LPP: variants seen among roughly 807,000 people sequenced by gnomAD.
LPP encodes the protein lipoma-preferred partner.
A neutral mutation model predicts 60.4 loss-of-function variants in LPP; 38 were observed. The observed-to-expected ratio is 0.63, with a 90% CI of 0.49 to 0.83. The LOEUF (loss-of-function observed/expected upper bound fraction) is 0.83, where lower values mean the gene tolerates loss of function less well. Ranked by LOEUF, LPP falls within the 40% of genes least tolerant of loss-of-function variation. The pLI, the probability that LPP is intolerant of heterozygous loss-of-function variation, is 0.00. For missense variants in LPP, 902 were observed against 783.6 expected (o/e 1.15, Z -1.80); for synonymous variants, 328 against 290.8 (o/e 1.13, Z -1.30).
chr3:188,379,252 A>G (rs1469421080), intron 3 of LPP, among the ~76,000 whole-genome samples: 1 of 152,202 alleles, frequency 6.6e-6, no homozygotes, highest in Admixed American at 6.5e-5. Flanking sequence ...GCCAGCCACA[A>G]TGAAATATAT....
intron 1 of LPP, among the ~76,000 whole-genome samples, chr3:188,191,326 A>G (rs12492534): frequency 0.067 from 10,240 of 152,292 alleles, 480 homozygotes; most frequent in South Asian, 0.13. Context: ...ATACCTTCTT[A>G]TATTTATTTG....
intron 2 of LPP, among the ~76,000 whole-genome samples, chr3:188,282,603 G>T (rs1742480942): frequency 6.6e-6 from 1 of 151,992 alleles, no homozygotes; most frequent in Non-Finnish European, 1.5e-5. Context: ...CCCTGCTTAG[G>T]ACCCTACACT....
At chr3:188,563,341 CCATT>C (rs1831193379) in intron 6 of LPP, among the ~76,000 whole-genome samples, 1 of 151,708 alleles carries the variant, frequency 6.6e-6, no homozygotes, top group South Asian at 2.1e-4. Context: ...CCCTCAGTAC[CCATT>C]CATTTTCTCC....
chr3:188,688,874 A>C (rs746397986), intron 7 of LPP: 2 of 517,936 alleles, frequency 3.9e-6, no homozygotes, highest in South Asian at 2.9e-5. Flanking sequence ...ACTTTCGTTC[A>C]TCTGAAAAAG....
At chr3:188,825,728 C>A (rs1292671652) in intron 9 of LPP, among the ~76,000 whole-genome samples, 3 of 152,062 alleles carry the variant, frequency 2.0e-5, no homozygotes, top group Non-Finnish European at 2.9e-5. Context: ...GACATACACA[C>A]ACACATTTCA....
chr3:188,472,183 C>A (rs1688693394), intron 4 of LPP, among the ~76,000 whole-genome samples: 1 of 152,072 alleles, frequency 6.6e-6, no homozygotes, highest in Non-Finnish European at 1.5e-5. Flanking sequence ...TGAATTGGCC[C>A]TTTTAATTAG....
At chr3:188,639,125 G>T (rs962322569) in intron 7 of LPP, among the ~76,000 whole-genome samples, 1 of 152,110 alleles carries the variant, frequency 6.6e-6, no homozygotes, top group Non-Finnish European at 1.5e-5. Flanking sequence ...ATACTACAAG[G>T]CTACGGTAAC....
intron 6 of LPP, among the ~76,000 whole-genome samples, chr3:188,546,828 G>A (rs1165866322): frequency 6.6e-6 from 1 of 152,148 alleles, no homozygotes; most frequent in Admixed American, 6.5e-5. Context: ...GAGCTAGTTT[G>A]TATCAGTTAT....
chr3:188,681,055 G>A (rs1016700914), intron 7 of LPP, among the ~76,000 whole-genome samples: 1 of 148,674 alleles, frequency 6.7e-6, no homozygotes, highest in African/African-American at 2.5e-5. Flanking sequence ...GGAGTGCAGT[G>A]GCATGATCTC....
intron 6 of LPP, among the ~76,000 whole-genome samples, chr3:188,606,780 C>T (rs1842461107): frequency 6.6e-6 from 1 of 151,942 alleles, no homozygotes; most frequent in African/African-American, 2.4e-5. Flanking sequence ...TCAATAATGC[C>T]AGTCATAAAA....
At chr3:188,437,264 GT>G (rs1490333192) in intron 4 of LPP, among the ~76,000 whole-genome samples, 2 of 152,170 alleles carry the variant, frequency 1.3e-5, no homozygotes, top group Non-Finnish European at 2.9e-5. Context: ...TAGAGCTTCC[GT>G]TCCAAAGTAC....
In LPP at chr3:188,154,218, A is replaced by ACCACCG. The variant is rs947462278; in HGVS notation, c.-221_-216dup. ...CGCCGCCGCCGCCGCCGCCGCCACCACCACCGCCGCTGCCCCGGCTGCCTC... is the reference window on the plus strand; with the variant it reads ...CGCCGCCGCCGCCGCCGCCGCCACCACCACCGCCACCGCCGCTGCCCCGGCTGCCTC... On this transcript the variant is annotated 5_prime_UTR_variant, in exon 1 of 12. Coordinates refer to ENST00000617246, the MANE Select transcript of LPP (RefSeq NM_001375462.1). Among the ~76,000 whole-genome samples the ACCACCG allele has an allele frequency of 2.0e-5, 3 of 151,492 alleles. No individual in the cohort carries two copies. Among genetic ancestry groups the ACCACCG allele is most frequent in the African/African-American group, 4.8e-5 (2 of 41,376 alleles).
chr3:188,638,057 A>G (rs1456264128), intron 7 of LPP, among the ~76,000 whole-genome samples: 1 of 137,488 alleles, frequency 7.3e-6, no homozygotes, highest in Non-Finnish European at 1.6e-5. Flanking sequence ...CAGAGACACA[A>G]CCAAAAAAGA....
At chr3:188,373,789 A>G (rs1774054151) in intron 3 of LPP, among the ~76,000 whole-genome samples, 1 of 151,938 alleles carries the variant, frequency 6.6e-6, no homozygotes, top group Non-Finnish European at 1.5e-5. Flanking sequence ...GCCCATGCCT[A>G]TGTCCTGAAT....
At chr3:188,391,763 G>A (rs1578555500) in intron 3 of LPP, among the ~76,000 whole-genome samples, 1 of 151,904 alleles carries the variant, frequency 6.6e-6, no homozygotes, top group Non-Finnish European at 1.5e-5. Context: ...AATGATGGTA[G>A]CTGGACACTG....
At chr3:188,210,226 A>T (rs955343575) in intron 1 of LPP, among the ~76,000 whole-genome samples, 3 of 152,214 alleles carry the variant, frequency 2.0e-5, no homozygotes, top group African/African-American at 7.2e-5. Context: ...TATATAAAAG[A>T]CTTGAGCATC....
chr3:188,235,171 CA>C (rs1246515286), intron 2 of LPP, among the ~76,000 whole-genome samples: 6 of 152,154 alleles, frequency 3.9e-5, no homozygotes, highest in African/African-American at 1.4e-4. Context: ...GAGAGCAGAG[CA>C]GGTGGTGCTG....
At chr3:188,824,425 C>T (rs1024735018) in intron 9 of LPP, among the ~76,000 whole-genome samples, 2 of 152,154 alleles carry the variant, frequency 1.3e-5, no homozygotes, top group African/African-American at 4.8e-5. Flanking sequence ...TTCAAATGCT[C>T]AAGAACCATT....
At chr3:188,264,021 G>C (rs1734577546) in intron 2 of LPP, among the ~76,000 whole-genome samples, 1 of 152,160 alleles carries the variant, frequency 6.6e-6, no homozygotes. Context: ...ACAGTTCCCA[G>C]AGCTAGGTGA....
Sources: gnomAD v4.1 joint callset for allele counts (sites outside exome capture counted in the v4.1 genomes callset) on GRCh38, gnomAD v4.1.1 for gene constraint, MANE v1.5 for transcripts, NCBI Gene and HGNC (gene_info 2026-07-23, HGNC 2026-07-21) for gene names.